The following NPAS3 variants were observed in gnomAD, a reference collection of about 807,000 sequenced individuals.
NPAS3 encodes the protein neuronal PAS domain protein 3.
In NPAS3, 14 loss-of-function variants were observed where a neutral mutation model predicts 73.1. That is an observed-to-expected ratio of 0.19 (90% CI 0.13 to 0.30). The LOEUF (loss-of-function observed/expected upper bound fraction) is 0.30, where lower values mean the gene tolerates loss of function less well. NPAS3 is among the 10% of genes least tolerant of loss of function. NPAS3 has a pLI of 1.00. For synonymous variants in NPAS3, 620 were observed against 541.5 expected (o/e 1.14, Z -2.01); for missense variants, 1,096 against 1,250.0 (o/e 0.88, Z 1.86).
chr14:33,132,458 G>A (rs1163457857), intron 2 of NPAS3, among the ~76,000 whole-genome samples: 2 of 152,102 alleles, frequency 1.3e-5, no homozygotes, highest in Non-Finnish European at 2.9e-5. Context: ...TTCACTTAAT[G>A]AGAAAATAAT....
At chr14:33,566,049 A>C (rs543896152) in intron 5 of NPAS3, among the ~76,000 whole-genome samples, 1 of 152,166 alleles carries the variant, frequency 6.6e-6, no homozygotes, top group African/African-American at 2.4e-5. Context: ...TGAATGTGGA[A>C]GCTCTGAGGG....
At chr14:33,378,550 C>T (rs943706965) in intron 4 of NPAS3, among the ~76,000 whole-genome samples, 13 of 152,104 alleles carry the variant, frequency 8.5e-5, no homozygotes, top group African/African-American at 2.9e-4. Context: ...GTAGGAGAAT[C>T]GCTTGAACCC....
intron 2 of NPAS3, among the ~76,000 whole-genome samples, chr14:33,158,623 G>A (rs539222079): frequency 6.6e-6 from 1 of 152,238 alleles, no homozygotes; most frequent in African/African-American, 2.4e-5. Context: ...TCATGGAAGG[G>A]CTGAAGATAA....
At chr14:33,585,524 A>G (rs118179660) in intron 5 of NPAS3, among the ~76,000 whole-genome samples, 2 of 152,276 alleles carry the variant, frequency 1.3e-5, no homozygotes, top group Non-Finnish European at 2.9e-5. Context: ...AAGGAGTTTG[A>G]TCTTTTGGAT....
intron 5 of NPAS3, among the ~76,000 whole-genome samples, chr14:33,618,754 G>A (rs796388224): frequency 5.9e-5 from 9 of 152,294 alleles, no homozygotes; most frequent in African/African-American, 2.2e-4. Context: ...ATTTAAATGG[G>A]TTAATTTGCC....
chr14:33,216,029 G>C (rs1172108629), intron 3 of NPAS3, among the ~76,000 whole-genome samples: 1 of 152,106 alleles, frequency 6.6e-6, no homozygotes, highest in African/African-American at 2.4e-5. Flanking sequence ...TTCTCACTCT[G>C]ATGCCTAAGA....
intron 4 of NPAS3, among the ~76,000 whole-genome samples, chr14:33,380,037 T>G (rs2046475725): frequency 7.7e-6 from 1 of 130,042 alleles, no homozygotes; most frequent in South Asian, 2.4e-4. Context: ...CTGCACAAAG[T>G]GGGGGGGAAA....
chr14:33,366,797 C>T (rs565722473), intron 3 of NPAS3, among the ~76,000 whole-genome samples: 2 of 151,614 alleles, frequency 1.3e-5, no homozygotes, highest in South Asian at 4.2e-4. Context: ...TTCTCTGGGG[C>T]GGGGTTGAGG....
chr14:32,987,830 C>T lies in NPAS3; in HGVS notation c.50+48464C>T, dbSNP rs117965555. Among the ~76,000 whole-genome samples the T allele has an allele frequency of 6.6e-4, 100 of 152,144 alleles. 2 individuals carry two copies. The East Asian group carries it at 0.016, about 25-fold the overall frequency. On this transcript the variant is annotated intron_variant, in intron 1 of 11. Transcript: ENST00000356141. ...TTCTTTTTACTCTTCTTAGCTATTACCATGACTTAATTTGGAGCATTTCCA... is the reference window on the plus strand; with the variant it reads ...TTCTTTTTACTCTTCTTAGCTATTATCATGACTTAATTTGGAGCATTTCCA...
At chr14:33,480,998 T>G (rs968517943) in intron 4 of NPAS3, among the ~76,000 whole-genome samples, 1 of 152,094 alleles carries the variant, frequency 6.6e-6, no homozygotes, top group African/African-American at 2.4e-5. Flanking sequence ...TAGAGCCTCA[T>G]GCGTCCCCGT....
chr14:33,207,986 T>C (rs2046893760), intron 2 of NPAS3, among the ~76,000 whole-genome samples: 1 of 152,112 alleles, frequency 6.6e-6, no homozygotes, highest in African/African-American at 2.4e-5. Context: ...TTGTTCTGAG[T>C]TCAATTGTGA....
intron 4 of NPAS3, among the ~76,000 whole-genome samples, chr14:33,540,827 G>A (rs534545731): frequency 1.9e-4 from 29 of 152,236 alleles, no homozygotes; most frequent in African/African-American, 6.7e-4. Flanking sequence ...ACTGTCTATT[G>A]GGGAAAACGT....
At chr14:33,598,055 C>T (rs2057297468) in intron 5 of NPAS3, among the ~76,000 whole-genome samples, 1 of 152,148 alleles carries the variant, frequency 6.6e-6, no homozygotes, top group Non-Finnish European at 1.5e-5. Flanking sequence ...CTTTCTAATG[C>T]TGTGATTTCA....
chr14:33,129,659 TG>T (rs778186070), intron 2 of NPAS3, among the ~76,000 whole-genome samples: 6 of 152,172 alleles, frequency 3.9e-5, no homozygotes, highest in African/African-American at 7.2e-5. Context: ...AACACAGTTA[TG>T]GCAGTAGTGA....
chr14:33,211,077 T>A (rs2047016278), intron 2 of NPAS3, among the ~76,000 whole-genome samples: 1 of 152,214 alleles, frequency 6.6e-6, no homozygotes, highest in Non-Finnish European at 1.5e-5. Flanking sequence ...TTACTATGTG[T>A]CAGGCACCAT....
intron 9 of NPAS3, among the ~76,000 whole-genome samples, chr14:33,783,589 G>C (rs989781896): frequency 4.0e-5 from 6 of 148,230 alleles, no homozygotes; most frequent in Admixed American, 2.0e-4. Flanking sequence ...TAGTTTTTTG[G>C]GGGGGTGGTG....
chr14:33,434,964 A>G (rs1266799282), intron 4 of NPAS3, among the ~76,000 whole-genome samples: 2 of 152,158 alleles, frequency 1.3e-5, no homozygotes, highest in African/African-American at 4.8e-5. Context: ...GGGAACCTAT[A>G]CACATAGCAG....
chr14:33,662,144 GTCTT>G (rs562006022), intron 5 of NPAS3, among the ~76,000 whole-genome samples: 101 of 152,346 alleles, frequency 6.6e-4, no homozygotes, highest in African/African-American at 2.2e-3. Context: ...CTTTGAAAGA[GTCTT>G]TCAGTTACTC....
intron 2 of NPAS3, among the ~76,000 whole-genome samples, chr14:33,199,776 AG>A (rs1947551189): frequency 6.9e-6 from 1 of 144,492 alleles, no homozygotes; most frequent in South Asian, 2.1e-4. Context: ...TACCACTTCA[AG>A]GACTAATTTA....
Sources: gnomAD v4.1 joint callset for allele counts (sites outside exome capture counted in the v4.1 genomes callset) on GRCh38, gnomAD v4.1.1 for gene constraint, MANE v1.5 for transcripts, NCBI Gene and HGNC (gene_info 2026-07-23, HGNC 2026-07-21) for gene names.